The following SLC25A24 variants were observed in gnomAD, a reference collection of about 807,000 sequenced individuals.
The protein encoded by SLC25A24 is solute carrier family 25 member 24.
In SLC25A24, 49 loss-of-function variants were observed where a neutral mutation model predicts 60.7. The ratio of observed to expected loss-of-function variants is 0.81; its 90% confidence interval spans 0.64 to 1.02. SLC25A24 has a LOEUF of 1.02. SLC25A24 is among the 50% of genes least tolerant of loss of function. The pLI is 0.00. For synonymous variants in SLC25A24, 202 were observed against 200.6 expected (o/e 1.01, Z -0.06); for missense variants, 564 against 586.3 (o/e 0.96, Z 0.39).
chr1:108,192,599 A>G lies in SLC25A24; in HGVS notation c.184-6645T>C, dbSNP rs767504091. ...CTTGTTATAGTCCAGGTACCAAAAGAGATCTCCGTAGAGGGAGTCCATCGA... is the reference window on the plus strand; with the variant it reads ...CTTGTTATAGTCCAGGTACCAAAAGGGATCTCCGTAGAGGGAGTCCATCGA... On this transcript the variant is annotated intron_variant, in intron 1 of 9. Coordinates refer to ENST00000565488, the MANE Select transcript of SLC25A24 (RefSeq NM_013386.5). 49 of 1,497,456 alleles carry G rather than the reference A, an allele frequency of 3.3e-5. 10 individuals carry two copies. The highest frequency in any genetic ancestry group is 8.4e-5 in the Admixed American group (4 of 47,478). The allele number at this position is 1,497,456 out of a possible 1,614,324, so 92.8% of individuals were successfully genotyped here.
rs1376856606 is a variant in SLC25A24 at position 108,182,796 on chromosome 1, G to A, written c.311-768C>T. Among the ~76,000 whole-genome samples the A allele has an allele frequency of 1.3e-5, 2 of 152,000 alleles. 1 individual carries two copies. The highest frequency in any genetic ancestry group is 2.9e-5 in the Non-Finnish European group (2 of 68,008). ...TGCAGTGAGCTGAGATCGCGCCACT[G>A]CACCCCAGCCTGGGTGACAGAGTGA... On this transcript the variant is annotated intron_variant, in intron 2 of 9. Transcript: ENST00000565488.
At chr1:108,155,355 C>A (rs1000441653) in intron 5 of SLC25A24, among the ~76,000 whole-genome samples, 12 of 151,868 alleles carry the variant, frequency 7.9e-5, no homozygotes, top group African/African-American at 2.9e-4. Flanking sequence ...TAATTGGTAT[C>A]TTCAGTGTGA....
At chr1:108,154,853 C>T in intron 6 of SLC25A24, 130 bp downstream of exon 6, 2 of 619,296 alleles carry the variant, frequency 3.2e-6, no homozygotes, top group Non-Finnish European at 5.4e-6. Flanking sequence ...AAGTGATCCT[C>T]CTTATGGAGT....
chr1:108,155,234 C>A, intron 5 of SLC25A24, 99 bp from the exon 6 acceptor site: 6 of 977,458 alleles, frequency 6.1e-6, no homozygotes, highest in Non-Finnish European at 8.8e-6. Flanking sequence ...TTTCTAACTG[C>A]AAGAAGATAT....
intron 3 of SLC25A24, among the ~76,000 whole-genome samples, chr1:108,170,510 A>G (rs1465949978): frequency 2.0e-5 from 3 of 152,146 alleles, no homozygotes; most frequent in Admixed American, 1.3e-4. Flanking sequence ...TGTCTTCACT[A>G]AAGTTTTTCT....
At position 108,200,134 on chromosome 1, in the gene SLC25A24, A is replaced by G. The variant is rs1251344257; in HGVS notation, c.5T>C (p.Leu2Ser). The change falls in exon 1 of 10, where the codon TTG becomes TCG. Residue 2 changes from leucine to serine, a missense_variant. Leu to Ser is a moderately radical substitution (Grantham distance 145). Coordinates refer to ENST00000565488, the MANE Select transcript of SLC25A24 (RefSeq NM_013386.5). M[L>S]RWLRDFVLPT... ...CAGCACGAAGTCCCGCAGCCAGCGCAACATGGTCCCAGAGGCGCAGGCGGC... is the reference window on the plus strand; with the variant it reads ...CAGCACGAAGTCCCGCAGCCAGCGCGACATGGTCCCAGAGGCGCAGGCGGC... 1 of 1,552,040 alleles carries G rather than the reference A, an allele frequency of 6.4e-7. No homozygotes were observed. The highest frequency in any genetic ancestry group is 8.7e-7 in the Non-Finnish European group (1 of 1,150,054).
chr1:108,156,968 T>C (rs1679918801), intron 5 of SLC25A24, among the ~76,000 whole-genome samples: 1 of 152,342 alleles, frequency 6.6e-6, no homozygotes, highest in Admixed American at 6.5e-5. Context: ...ACATATTAAT[T>C]CTTTTCCATT....
At chr1:108,157,750 C>T in intron 4 of SLC25A24, 130 bp from the exon 5 acceptor site, 1 of 933,028 alleles carries the variant, frequency 1.1e-6, no homozygotes, top group African/African-American at 1.7e-5. Context: ...TATACTAAAC[C>T]AATTTGAGTA....
At chr1:108,137,211 T>A (rs1349642352) in intron 9 of SLC25A24, among the ~76,000 whole-genome samples, 1 of 152,174 alleles carries the variant, frequency 6.6e-6, no homozygotes, top group African/African-American at 2.4e-5. Flanking sequence ...TGAGATCCAA[T>A]GGTCTGACTC....
intron 3 of SLC25A24, among the ~76,000 whole-genome samples, chr1:108,179,966 T>A (rs1036304985): frequency 6.6e-6 from 1 of 152,198 alleles, no homozygotes; most frequent in Non-Finnish European, 1.5e-5. Flanking sequence ...ATGTTGTACA[T>A]GATAAATACA....
chr1:108,153,918 A>C (rs1211607651), intron 6 of SLC25A24, among the ~76,000 whole-genome samples: 1 of 152,182 alleles, frequency 6.6e-6, no homozygotes, highest in Non-Finnish European at 1.5e-5. Flanking sequence ...TGGCTTTCCT[A>C]TCATAAAATC....
Position 108,157,495 on chromosome 1 carries a change from A to G in SLC25A24, c.636T>C (p.Thr212=). The change falls in exon 5 of 10, where the codon ACT becomes ACC. Residue 212 remains threonine, a synonymous_variant. Transcript: ENST00000565488. ...GIAGAVSRTS[T]APLDRLKIMM... ...TGATTTTCAGACGGTCCAAAGGGGCAGTGCTTGTTCGAGAGACAGCACCAG... is the reference window on the plus strand; with the variant it reads ...TGATTTTCAGACGGTCCAAAGGGGCGGTGCTTGTTCGAGAGACAGCACCAG... 1 of 1,614,220 alleles carries G rather than the reference A, an allele frequency of 6.2e-7. No homozygotes were observed. Among genetic ancestry groups the G allele is most frequent in the African/African-American group, 1.3e-5 (1 of 75,070 alleles).
At chr1:108,146,991 A>G (rs183904421) in intron 7 of SLC25A24, among the ~76,000 whole-genome samples, 1 of 152,346 alleles carries the variant, frequency 6.6e-6, no homozygotes, top group Admixed American at 6.5e-5. Context: ...AAGGAATGGC[A>G]TCAGCTCCTC....
intron 1 of SLC25A24, 40 bp from the exon 2 acceptor site, chr1:108,185,994 G>A (rs1648114260): frequency 1.4e-6 from 2 of 1,442,132 alleles, no homozygotes; most frequent in South Asian, 2.6e-5. Flanking sequence ...GCCAATATGG[G>A]CTGATGCACT....
At position 108,190,683 on chromosome 1, in the gene SLC25A24, A is replaced by G. The variant is rs114214995; in HGVS notation, c.184-4729T>C. ...TTTTGTATCTTAACACGACAATGTA[A>G]GTATCATTTCTTTTTTTTTTTTTTA... On this transcript the variant is annotated intron_variant, in intron 1 of 9. Transcript: ENST00000565488. Among the ~76,000 whole-genome samples, 635 of 146,644 alleles carry G rather than the reference A, an allele frequency of 4.3e-3. 34 individuals are homozygous for G. The highest frequency in any genetic ancestry group is 0.015 in the African/African-American group (602 of 39,356).
intron 3 of SLC25A24, among the ~76,000 whole-genome samples, chr1:108,173,266 G>A (rs1647543109): frequency 6.6e-6 from 1 of 152,140 alleles, no homozygotes. Flanking sequence ...CAGCTGGTGG[G>A]AGGTAATTGA....
intron 3 of SLC25A24, 83 bp from the exon 4 acceptor site, chr1:108,161,376 G>A: frequency 1.3e-6 from 1 of 743,252 alleles, no homozygotes; most frequent in South Asian, 1.7e-5. Flanking sequence ...CAGAATGACA[G>A]TTTCTTTTCT....
intron 1 of SLC25A24, among the ~76,000 whole-genome samples, chr1:108,191,667 A>G (rs563732152): frequency 1.4e-5 from 2 of 139,450 alleles, no homozygotes; most frequent in Non-Finnish European, 3.1e-5. Context: ...CACATGGCTA[A>G]TAGAAAGAGT....
At chr1:108,176,088 C>G (rs1372188415) in intron 3 of SLC25A24, among the ~76,000 whole-genome samples, 1 of 151,800 alleles carries the variant, frequency 6.6e-6, no homozygotes, top group Non-Finnish European at 1.5e-5. Context: ...AAAGAAAGCT[C>G]AGCAAACTTC....
Sources: allele counts gnomAD v4.1 joint callset (sites outside exome capture counted in the v4.1 genomes callset), GRCh38; gene constraint gnomAD v4.1.1; transcripts MANE v1.5; gene names NCBI Gene and HGNC (gene_info 2026-07-23, HGNC 2026-07-21).